The following ATXN10 variants were observed in gnomAD, a reference collection of about 807,000 sequenced individuals.
ATXN10 encodes ataxin-10.
ATXN10 carries 28 observed loss-of-function variants against 52.9 expected under a neutral mutation model. The ratio of observed to expected loss-of-function variants is 0.53; its 90% confidence interval spans 0.39 to 0.73. The LOEUF (loss-of-function observed/expected upper bound fraction) is 0.73, where lower values mean the gene tolerates loss of function less well. Ranked by LOEUF, ATXN10 falls within the 30% of genes least tolerant of loss-of-function variation. ATXN10 has a pLI of 0.00. For synonymous variants in ATXN10, 226 were observed against 221.5 expected, an observed-to-expected ratio of 1.02 and a Z score of -0.18; for missense variants, 565 against 577.0, an observed-to-expected ratio of 0.98 and a Z score of 0.21.
At position 45,727,423 on chromosome 22, in the gene ATXN10, A is replaced by G. The variant is rs948686860; in HGVS notation, c.729-2002A>G. Among the ~76,000 whole-genome samples, 2 of 151,978 alleles carry G rather than the reference A, an allele frequency of 1.3e-5. No homozygotes were observed. Among genetic ancestry groups the G allele is most frequent in the Non-Finnish European group, 2.9e-5 (2 of 68,012 alleles). ...GCCCAGGCTGGGGTGCAGTGGCACG[A>G]TCTTGGCTTACTGTAACCTCTGCCT... is the stretch of plus-strand genomic sequence containing the variant. On this transcript the variant is annotated intron_variant, in intron 6 of 11. Transcript: ENST00000252934. The surrounding 1 kb of genome is among the most constrained non-coding windows in gnomAD (Gnocchi z 4.6).
intron 1 of ATXN10, chr22:45,679,791 A>G (rs1034619287): frequency 1.3e-5 from 2 of 152,244 alleles, no homozygotes; most frequent in Admixed American, 1.3e-4. Context: ...CTGGAATGCT[A>G]CATGGAATTG....
At chr22:45,699,580 T>A (rs751333326) in intron 3 of ATXN10, among the ~76,000 whole-genome samples, 12 of 137,468 alleles carry the variant, frequency 8.7e-5, no homozygotes, top group Non-Finnish European at 1.8e-4. Flanking sequence ...AACCTCCACC[T>A]CCTGGGTTCA....
rs1353677520 is a variant in ATXN10 at position 45,715,011 on chromosome 22, A to G, written c.648-3402A>G. Reference sequence around the variant, plus strand: ...TCCCTATACCCTTACTGCTCCATCCATGGACAACTTTTTTACTTCAACTTT... The same window carrying G: ...TCCCTATACCCTTACTGCTCCATCCGTGGACAACTTTTTTACTTCAACTTT... On this transcript the variant is annotated intron_variant, in intron 5 of 11. Coordinates refer to ENST00000252934, the MANE Select transcript of ATXN10 (RefSeq NM_013236.4). The surrounding 1 kb of genome is among the most constrained non-coding windows in gnomAD (Gnocchi z 4.4). Among the ~76,000 whole-genome samples the G allele has an allele frequency of 6.6e-6, 1 of 152,120 alleles. No homozygotes were observed. Among genetic ancestry groups the G allele is most frequent in the Non-Finnish European group, 1.5e-5 (1 of 68,022 alleles).
At chr22:45,726,897 G>A (rs552667185) in intron 6 of ATXN10, among the ~76,000 whole-genome samples, 1 of 152,202 alleles carries the variant, frequency 6.6e-6, no homozygotes, top group South Asian at 2.1e-4. Flanking sequence ...GCCCGGGCTG[G>A]TCTCAAACTT....
intron 5 of ATXN10, among the ~76,000 whole-genome samples, chr22:45,714,958 C>T (rs1198091326): frequency 6.6e-6 from 1 of 152,164 alleles, no homozygotes; most frequent in Non-Finnish European, 1.5e-5. Flanking sequence ...TGAGACCTGT[C>T]TTCCCTTCTC....
In ATXN10 at chr22:45,750,494, A is replaced by G. The variant is rs1220039503; in HGVS notation, c.1173+9956A>G. Among the ~76,000 whole-genome samples, 1 of 152,212 alleles carries G rather than the reference A, an allele frequency of 6.6e-6. No homozygotes were observed. Among genetic ancestry groups the G allele is most frequent in the African/African-American group, 2.4e-5 (1 of 41,448 alleles). On this transcript the variant is annotated intron_variant, in intron 9 of 11. Transcript: ENST00000252934. This position sits in a 1 kb window ranked among gnomAD's most constrained non-coding sequence, Gnocchi z 4.2. ...TATCTGAGACTTGGGTGAGGGGAAAACCAGCTGTATAAACTGAGAGCTGTA... is the reference window on the plus strand; with the variant it reads ...TATCTGAGACTTGGGTGAGGGGAAAGCCAGCTGTATAAACTGAGAGCTGTA...
intron 3 of ATXN10, among the ~76,000 whole-genome samples, chr22:45,695,552 C>T (rs929985173): frequency 3.4e-5 from 5 of 146,432 alleles, no homozygotes; most frequent in Admixed American, 1.4e-4. Flanking sequence ...TGCAGTGGTG[C>T]GATATTGGCT....
chr22:45,811,330 A>G (rs1928272353), intron 10 of ATXN10, among the ~76,000 whole-genome samples: 1 of 152,208 alleles, frequency 6.6e-6, no homozygotes, highest in Non-Finnish European at 1.5e-5. Context: ...TTTACATGGT[A>G]CAATTTTATC....
rs186995398 is a variant in ATXN10, at chr22:45,783,114, A to T, written c.1174-23845A>T. 4.6e-5 allele frequency among the ~76,000 whole-genome samples: 7 copies of T among 152,172 alleles called. No homozygotes were observed. Among genetic ancestry groups the T allele is most frequent in the African/African-American group, 1.7e-4 (7 of 41,432 alleles). On this transcript the variant is annotated intron_variant, in intron 9 of 11. Coordinates refer to ENST00000252934, the MANE Select transcript of ATXN10 (RefSeq NM_013236.4). The surrounding 1 kb of genome is among the most constrained non-coding windows in gnomAD (Gnocchi z 5.0). ...AAGCACTTTATGGCTTCTCTTTGGC[A>T]TATTCAAATTGGCAGCATCACTACT...
chr22:45,722,463 G>T (rs1924691954), intron 6 of ATXN10, among the ~76,000 whole-genome samples: 1 of 152,158 alleles, frequency 6.6e-6, no homozygotes, highest in Admixed American at 6.5e-5. Context: ...AACTTAGTTT[G>T]TACTTTTATA....
chr22:45,804,904 C>T (rs566978954), intron 9 of ATXN10, among the ~76,000 whole-genome samples: 1 of 152,236 alleles, frequency 6.6e-6, no homozygotes, highest in South Asian at 2.1e-4. Flanking sequence ...TAAAAATACT[C>T]CTTTATCACA....
Position 45,784,951 on chromosome 22 carries a change from G to A in ATXN10, c.1174-22008G>A, listed in dbSNP as rs898617805. 5.3e-5 allele frequency among the ~76,000 whole-genome samples: 8 copies of A among 152,132 alleles called. No individual in the cohort carries two copies. The highest frequency in any genetic ancestry group is 1.9e-4 in the African/African-American group (8 of 41,410). ...TCATGACAGAATTCTGTTTGTTCAG[G>A]CACTGAAGTATGACATTGTAGATGA... is the stretch of plus-strand genomic sequence containing the variant. On this transcript the variant is annotated intron_variant, in intron 9 of 11. Coordinates refer to ENST00000252934, the MANE Select transcript of ATXN10 (RefSeq NM_013236.4). This position sits in a 1 kb window ranked among gnomAD's most constrained non-coding sequence, Gnocchi z 4.2.
chr22:45,749,157 C>G (rs1469991127), intron 9 of ATXN10, among the ~76,000 whole-genome samples: 2 of 152,166 alleles, frequency 1.3e-5, no homozygotes, highest in African/African-American at 4.8e-5. Flanking sequence ...ATTCCTACCA[C>G]TGCATATTCC....
intron 1 of ATXN10, chr22:45,680,168 G>C (rs922030710): frequency 6.6e-5 from 10 of 152,188 alleles, no homozygotes; most frequent in African/African-American, 2.2e-4. Flanking sequence ...ATCCATAAGT[G>C]GGGGATGCTC....
At position 45,701,458 on chromosome 22, in the gene ATXN10, A is replaced by G. The variant is rs1048243551; in HGVS notation, c.488+1080A>G. On this transcript the variant is annotated intron_variant, in intron 4 of 11. Coordinates refer to ENST00000252934, the MANE Select transcript of ATXN10 (RefSeq NM_013236.4). This position sits in a 1 kb window ranked among gnomAD's most constrained non-coding sequence, Gnocchi z 4.2. The stretch of plus-strand genomic sequence containing the variant: ...TAGCGTTAAGATGGGATAAACTCTA[A>G]TTCACCTGTAGCTCATGGAATTTCT... Among the ~76,000 whole-genome samples, 3 of 152,168 alleles carry G rather than the reference A, an allele frequency of 2.0e-5. No individual in the cohort carries two copies. Among genetic ancestry groups the G allele is most frequent in the Non-Finnish European group, 2.9e-5 (2 of 68,036 alleles).
intron 1 of ATXN10, 194 bp downstream of exon 1, chr22:45,672,373 G>A: frequency 1.0e-5 from 5 of 493,098 alleles, no homozygotes; most frequent in Non-Finnish European, 1.4e-5. Flanking sequence ...TCCCCGCGGG[G>A]CCTGGGGCGG....
Position 45,770,258 on chromosome 22 carries a change from A to G in ATXN10, c.1173+29720A>G, listed in dbSNP as rs1174608169. Among the ~76,000 whole-genome samples, 1 of 152,210 alleles carries G rather than the reference A, an allele frequency of 6.6e-6. No homozygotes were observed. On this transcript the variant is annotated intron_variant, in intron 9 of 11. Coordinates refer to ENST00000252934, the MANE Select transcript of ATXN10 (RefSeq NM_013236.4). This position sits in a 1 kb window ranked among gnomAD's most constrained non-coding sequence, Gnocchi z 4.5. Reference sequence around the variant, plus strand: ...AAATCCCATCTTAAGCAGAGTTTTTAAAAATGTGGGTTGCATCCCAATAAC... The same window carrying G: ...AAATCCCATCTTAAGCAGAGTTTTTGAAAATGTGGGTTGCATCCCAATAAC...
rs959253733 is a variant in ATXN10, at chr22:45,818,318, G to A, written c.1237+11296G>A. On this transcript the variant is annotated intron_variant, in intron 10 of 11. Transcript: ENST00000252934. This position sits in a 1 kb window ranked among gnomAD's most constrained non-coding sequence, Gnocchi z 4.6. ...GTGTCTTTAGAGCCATGGTCACTGCGTCCCTCTCTCTGCCTCAGGCCTCTG... is the reference window on the plus strand; with the variant it reads ...GTGTCTTTAGAGCCATGGTCACTGCATCCCTCTCTCTGCCTCAGGCCTCTG... Among the ~76,000 whole-genome samples the A allele has an allele frequency of 1.3e-5, 2 of 152,140 alleles. No individual in the cohort carries two copies. Among genetic ancestry groups the A allele is most frequent in the Non-Finnish European group, 2.9e-5 (2 of 68,030 alleles).
intron 10 of ATXN10, among the ~76,000 whole-genome samples, chr22:45,812,480 G>T (rs569226878): frequency 7.2e-4 from 109 of 152,266 alleles, no homozygotes; most frequent in Admixed American, 1.8e-3. Flanking sequence ...ATTTATCTGG[G>T]GGGAGAGGGT....
Sources: allele counts gnomAD v4.1 joint callset (sites outside exome capture counted in the v4.1 genomes callset), GRCh38; gene constraint gnomAD v4.1.1; non-coding constraint Gnocchi (gnomAD v3.1); transcripts MANE v1.5; gene names NCBI Gene and HGNC (gene_info 2026-07-23, HGNC 2026-07-21).